HOMER1: variants seen among roughly 807,000 people sequenced by gnomAD.
HOMER1 encodes homer scaffold protein 1.
HOMER1 carries 3 observed loss-of-function variants against 48.9 expected under a neutral mutation model. The ratio of observed to expected loss-of-function variants is 0.06; its 90% confidence interval spans 0.03 to 0.16. The LOEUF (loss-of-function observed/expected upper bound fraction) is 0.16, where lower values mean the gene tolerates loss of function less well. HOMER1 is among the 10% of genes least tolerant of loss of function. The probability of loss-of-function intolerance (pLI) is 1.00; values close to 1 mark genes in which losing one functional copy is unlikely to be tolerated. For synonymous variants in HOMER1, 134 were observed against 146.4 expected (o/e 0.92, Z 0.61); for missense variants, 247 against 411.4 (o/e 0.60, Z 3.46).
At chr5:79,440,987 A>G (rs571529269) in intron 4 of HOMER1, among the ~76,000 whole-genome samples, 5 of 152,034 alleles carry the variant, frequency 3.3e-5, no homozygotes, top group Admixed American at 2.6e-4. Flanking sequence ...ATGAAACCCA[A>G]TCTCTACAAA....
chr5:79,490,388 A>C (rs188029143), intron 1 of HOMER1, among the ~76,000 whole-genome samples: 1 of 152,318 alleles, frequency 6.6e-6, no homozygotes, highest in African/African-American at 2.4e-5. Flanking sequence ...TTAATAAATA[A>C]GACCAAATCA....
At chr5:79,394,758 CA>C (rs2112210911) in intron 8 of HOMER1, among the ~76,000 whole-genome samples, 1 of 152,214 alleles carries the variant, frequency 6.6e-6, no homozygotes, top group Admixed American at 6.6e-5. Context: ...TTTGTAGATG[CA>C]GCATTTCGCT....
At chr5:79,466,524 A>AATT (rs1350185936) in intron 1 of HOMER1, among the ~76,000 whole-genome samples, 13 of 147,288 alleles carry the variant, frequency 8.8e-5, no homozygotes, top group Non-Finnish European at 1.8e-4. Context: ...TAATAATAAT[A>AATT]AATAAATTAC....
intron 8 of HOMER1, among the ~76,000 whole-genome samples, chr5:79,392,774 CATG>C (rs1749283269): frequency 6.6e-6 from 1 of 152,176 alleles, no homozygotes; most frequent in Non-Finnish European, 1.5e-5. Context: ...CAGTTCCATT[CATG>C]ATAAGTGTCC....
At chr5:79,510,886 G>A (rs1250924884) in intron 1 of HOMER1, 4 of 675,198 alleles carry the variant, frequency 5.9e-6, no homozygotes, top group Non-Finnish European at 1.1e-5. Context: ...CCCTACAGAG[G>A]CTTCAGAGTA....
intron 8 of HOMER1, among the ~76,000 whole-genome samples, chr5:79,378,150 C>G (rs1398438342): frequency 7.1e-6 from 1 of 140,472 alleles, no homozygotes; most frequent in African/African-American, 2.7e-5. Flanking sequence ...AACCGGGAGG[C>G]AGAGGTTGTG....
At chr5:79,396,055 G>C (rs13164451) in intron 8 of HOMER1, among the ~76,000 whole-genome samples, 1 of 152,038 alleles carries the variant, frequency 6.6e-6, no homozygotes, top group African/African-American at 2.4e-5. Context: ...CTAACGCTGA[G>C]GGTGTAAGAA....
intron 6 of HOMER1, among the ~76,000 whole-genome samples, chr5:79,399,436 G>A (rs912314736): frequency 6.6e-5 from 10 of 152,212 alleles, no homozygotes; most frequent in Non-Finnish European, 1.5e-4. Context: ...AGAGATGACA[G>A]TTTGAAGTTC....
chr5:79,375,841 A>G lies in HOMER1; in HGVS notation c.*168T>C, dbSNP rs936459786. The G allele has an allele frequency of 1.2e-5, 5 of 420,524 alleles. No homozygotes were observed. The highest frequency in any genetic ancestry group is 1.0e-4 in the African/African-American group (5 of 48,812). The allele number at this position is 420,524 out of a possible 1,614,324, so 26.0% of individuals were successfully genotyped here. A position where few individuals can be genotyped will look rare whatever the true frequency, so the allele number is the denominator to read the frequency against. On this transcript the variant is annotated 3_prime_UTR_variant, in exon 9 of 9. Transcript: ENST00000334082. ...CAACTAGCTACAAGCTGGATTCTAA[A>G]ATTTACAGTGAAATATACAATTCCA... is the stretch of plus-strand genomic sequence containing the variant.
At chr5:79,465,139 C>A (rs1580001156) in intron 1 of HOMER1, among the ~76,000 whole-genome samples, 1 of 152,020 alleles carries the variant, frequency 6.6e-6, no homozygotes, top group East Asian at 1.9e-4. Context: ...GAGTTCCAGA[C>A]CAGGTTGGCC....
intron 1 of HOMER1, among the ~76,000 whole-genome samples, chr5:79,478,795 T>C (rs1751863759): frequency 6.6e-6 from 1 of 151,996 alleles, no homozygotes; most frequent in Admixed American, 6.6e-5. Context: ...CTACTAAAAA[T>C]ACAAAAATTA....
At chr5:79,453,381 C>T (rs1403512631) in intron 2 of HOMER1, among the ~76,000 whole-genome samples, 1 of 152,150 alleles carries the variant, frequency 6.6e-6, no homozygotes, top group Admixed American at 6.5e-5. Flanking sequence ...ACTAAGCCCC[C>T]TCATTTTAAC....
intron 1 of HOMER1, among the ~76,000 whole-genome samples, chr5:79,503,565 GTGCCA>G (rs1752666733): frequency 6.7e-6 from 1 of 150,018 alleles, no homozygotes; most frequent in African/African-American, 2.5e-5. Flanking sequence ...CAGAGGCCAG[GTGCCA>G]TGGCTCACGC....
At chr5:79,506,855 A>C (rs552191253) in intron 1 of HOMER1, among the ~76,000 whole-genome samples, 1 of 151,178 alleles carries the variant, frequency 6.6e-6, no homozygotes, top group Admixed American at 6.6e-5. Context: ...CAAACAAAAA[A>C]ATATATATAT....
intron 4 of HOMER1, among the ~76,000 whole-genome samples, chr5:79,441,356 G>T (rs1208288061): frequency 6.6e-6 from 1 of 151,928 alleles, no homozygotes; most frequent in East Asian, 1.9e-4. Flanking sequence ...TAAATGCTCC[G>T]GTCACTTTGA....
At chr5:79,457,093 G>T in intron 1 of HOMER1, 75 bp from the exon 2 acceptor site, 5 of 1,371,502 alleles carry the variant, frequency 3.6e-6, no homozygotes, top group Non-Finnish European at 5.2e-6. Flanking sequence ...CATGAAAACT[G>T]CAAGGATGAT....
At chr5:79,461,694 T>TG (rs1159395621) in intron 1 of HOMER1, among the ~76,000 whole-genome samples, 1 of 152,172 alleles carries the variant, frequency 6.6e-6, no homozygotes, top group East Asian at 1.9e-4. Flanking sequence ...AGACAAATTC[T>TG]GAGGTAAATA....
At chr5:79,403,855 T>C (rs1338574489) in intron 5 of HOMER1, among the ~76,000 whole-genome samples, 1 of 152,208 alleles carries the variant, frequency 6.6e-6, no homozygotes, top group African/African-American at 2.4e-5. Flanking sequence ...TCCTAAAGTT[T>C]ACTAAGTGAG....
At chr5:79,443,389 T>C (rs1253839467) in intron 4 of HOMER1, among the ~76,000 whole-genome samples, 1 of 152,158 alleles carries the variant, frequency 6.6e-6, no homozygotes, top group Non-Finnish European at 1.5e-5. Flanking sequence ...AATCCTTGGG[T>C]TCCATCTTAG....
Sources: allele counts gnomAD v4.1 joint callset (sites outside exome capture counted in the v4.1 genomes callset), GRCh38; gene constraint gnomAD v4.1.1; transcripts MANE v1.5; gene names NCBI Gene and HGNC (gene_info 2026-07-23, HGNC 2026-07-21).